Variants in EPHA6 observed in about 807,000 individuals in gnomAD.
EPHA6 encodes EPH receptor A6.
A neutral mutation model predicts 112.0 loss-of-function variants in EPHA6; 50 were observed. That is an observed-to-expected ratio of 0.45 (90% CI 0.36 to 0.56). EPHA6 has a LOEUF of 0.56. Ranked by LOEUF, EPHA6 falls within the 20% of genes least tolerant of loss-of-function variation. EPHA6 has a pLI of 0.00. For synonymous variants in EPHA6, 529 were observed against 490.7 expected (o/e 1.08, Z -1.03); for missense variants, 1,280 against 1,417.4 (o/e 0.90, Z 1.56).
intron 14 of EPHA6, among the ~76,000 whole-genome samples, chr3:97,670,671 C>G (rs1041334553): frequency 6.6e-6 from 1 of 152,140 alleles, no homozygotes; most frequent in Non-Finnish European, 1.5e-5. Flanking sequence ...ATTCATAATG[C>G]CTTCAAACAG....
chr3:97,578,224 C>T (rs1279465135), intron 11 of EPHA6, among the ~76,000 whole-genome samples: 1 of 152,044 alleles, frequency 6.6e-6, no homozygotes, highest in African/African-American at 2.4e-5. Flanking sequence ...AAGCAACATC[C>T]AGAGGTAAGC....
intron 5 of EPHA6, among the ~76,000 whole-genome samples, chr3:97,375,348 A>G (rs2085291246): frequency 6.6e-6 from 1 of 152,184 alleles, no homozygotes; most frequent in Admixed American, 6.6e-5. Flanking sequence ...AGAATTTCAT[A>G]AATTCCACAA....
In EPHA6 at chr3:97,660,406, A is replaced by G. The variant is rs150425666; in HGVS notation, c.2784+22324A>G. 4.6e-5 allele frequency among the ~76,000 whole-genome samples: 7 copies of G among 152,184 alleles called. No individual in the cohort carries two copies. The East Asian group carries it at 1.4e-3, about 29-fold the overall frequency. On this transcript the variant is annotated intron_variant, in intron 14 of 17. Coordinates refer to ENST00000389672, the MANE Select transcript of EPHA6 (RefSeq NM_001080448.3). ...AGAAATGAAGTGCAGAGGAATCTAA[A>G]CTGTGTAATTTGAAAGGTGTTGAGA...
chr3:97,257,067 A>C (rs1367305072), intron 5 of EPHA6, among the ~76,000 whole-genome samples: 2 of 152,018 alleles, frequency 1.3e-5, no homozygotes, highest in Non-Finnish European at 2.9e-5. Context: ...TCTCAAACTA[A>C]TGAGAAAGTT....
chr3:97,745,792 G>A (rs539831957), intron 16 of EPHA6, among the ~76,000 whole-genome samples: 5 of 151,786 alleles, frequency 3.3e-5, no homozygotes, highest in South Asian at 2.1e-4. Flanking sequence ...TAAAAGACTC[G>A]GGTCCTGGTG....
chr3:97,267,048 G>GT (rs1252838738), intron 5 of EPHA6, among the ~76,000 whole-genome samples: 4 of 152,114 alleles, frequency 2.6e-5, no homozygotes, highest in African/African-American at 9.7e-5. Context: ...TTATTTTAGT[G>GT]TCGAAATGTG....
intron 14 of EPHA6, among the ~76,000 whole-genome samples, chr3:97,665,032 C>A (rs1447497940): frequency 1.3e-5 from 2 of 152,118 alleles, no homozygotes; most frequent in Non-Finnish European, 2.9e-5. Context: ...GTCAAAAGAA[C>A]AAAGCTGGAG....
intron 5 of EPHA6, among the ~76,000 whole-genome samples, chr3:97,324,344 T>C (rs28619473): frequency 1.3e-5 from 2 of 152,022 alleles, no homozygotes; most frequent in Non-Finnish European, 2.9e-5. Context: ...TTCTAACTTG[T>C]TTCTTTATGC....
intron 12 of EPHA6, among the ~76,000 whole-genome samples, chr3:97,605,076 T>G (rs1227740681): frequency 6.6e-6 from 1 of 151,594 alleles, no homozygotes; most frequent in East Asian, 1.9e-4. Flanking sequence ...GTAAGTGTTC[T>G]AAAATTGATT....
chr3:96,864,008 A>G (rs969192593), intron 1 of EPHA6, among the ~76,000 whole-genome samples: 1 of 152,058 alleles, frequency 6.6e-6, no homozygotes, highest in Non-Finnish European at 1.5e-5. Context: ...AGTGAAGTAC[A>G]TATTAAAACA....
chr3:96,917,289 C>A (rs1324234858), intron 2 of EPHA6, among the ~76,000 whole-genome samples: 1 of 151,710 alleles, frequency 6.6e-6, no homozygotes, highest in Non-Finnish European at 1.5e-5. Flanking sequence ...GGCATGGTGC[C>A]AGGCACCTTT....
chr3:97,235,135 T>TA (rs1374701910), intron 4 of EPHA6, among the ~76,000 whole-genome samples: 1 of 152,146 alleles, frequency 6.6e-6, no homozygotes, highest in African/African-American at 2.4e-5. Context: ...TACTCCTTTT[T>TA]ATGTCATTGT....
At chr3:97,700,909 G>A (rs1206542678) in intron 14 of EPHA6, among the ~76,000 whole-genome samples, 1 of 152,082 alleles carries the variant, frequency 6.6e-6, no homozygotes, top group African/African-American at 2.4e-5. Flanking sequence ...TGACACAGCA[G>A]GGAAAAGAAT....
intron 11 of EPHA6, among the ~76,000 whole-genome samples, chr3:97,543,716 C>T (rs560220425): frequency 6.6e-6 from 1 of 151,916 alleles, no homozygotes; most frequent in Non-Finnish European, 1.5e-5. Context: ...ATTGATTCTT[C>T]CTACCCATGA....
At chr3:97,331,212 C>G (rs979962072) in intron 5 of EPHA6, among the ~76,000 whole-genome samples, 1 of 151,978 alleles carries the variant, frequency 6.6e-6, no homozygotes, top group Admixed American at 6.6e-5. Flanking sequence ...AACAAAGACA[C>G]AACATACCAG....
At chr3:97,669,570 T>C (rs1057295379) in intron 14 of EPHA6, among the ~76,000 whole-genome samples, 12 of 150,378 alleles carry the variant, frequency 8.0e-5, no homozygotes, top group Non-Finnish European at 1.6e-4. Flanking sequence ...AGGTCCAGCC[T>C]GGGCAACATA....
chr3:97,606,899 A>AG (rs2093684013), intron 12 of EPHA6, among the ~76,000 whole-genome samples: 2 of 151,080 alleles, frequency 1.3e-5, no homozygotes, highest in Admixed American at 1.3e-4. Flanking sequence ...AAAAAAATAC[A>AG]GGCACTCTAA....
intron 3 of EPHA6, among the ~76,000 whole-genome samples, chr3:97,005,346 G>A (rs887546563): frequency 6.6e-6 from 1 of 152,060 alleles, no homozygotes; most frequent in Non-Finnish European, 1.5e-5. Context: ...CTTGTTAGCT[G>A]TATTCCTAGG....
At chr3:97,250,496 T>G (rs1348447200) in intron 5 of EPHA6, among the ~76,000 whole-genome samples, 1 of 152,164 alleles carries the variant, frequency 6.6e-6, no homozygotes, top group Non-Finnish European at 1.5e-5. Context: ...TATTACTATA[T>G]CAACAATTTT....
Sources: gnomAD v4.1 joint callset for allele counts (sites outside exome capture counted in the v4.1 genomes callset) on GRCh38, gnomAD v4.1.1 for gene constraint, MANE v1.5 for transcripts, NCBI Gene and HGNC (gene_info 2026-07-23, HGNC 2026-07-21) for gene names.